Variants in SMARCD1 observed in about 807,000 individuals in gnomAD.
The protein encoded by SMARCD1 is SWI/SNF-related matrix-associated actin-dependent regulator of chromatin subfamily D member 1.
Under a neutral mutation model 70.8 loss-of-function variants are expected in SMARCD1, and 16 were observed. The ratio of observed to expected loss-of-function variants is 0.23; its 90% CI spans 0.15 to 0.34. The LOEUF is 0.34. SMARCD1 is among the 10% of genes least tolerant of loss of function. SMARCD1 has a pLI of 1.00. For synonymous variants in SMARCD1, 249 were observed against 246.0 expected, an observed-to-expected ratio of 1.01 and a Z score of -0.11; for missense variants, 409 against 655.5, an observed-to-expected ratio of 0.62 and a Z score of 4.11.
In SMARCD1 at chr12:50,086,652, C is replaced by T. The variant is rs760542061; in HGVS notation, c.397C>T (p.Leu133=). ...AKKKKMADKI[L]PQRIRELVPE... Reference sequence around the variant, plus strand: ...GAAAAAGAAGATGGCTGACAAAATTCTACCTCAAAGGGTGAGTCCAGGCTA... The same window carrying T: ...GAAAAAGAAGATGGCTGACAAAATTTTACCTCAAAGGGTGAGTCCAGGCTA... The change falls in exon 3 of 13, where the codon CTA becomes TTA. Residue 133 remains leucine, a synonymous_variant. Transcript: ENST00000394963. 52 of 1,613,968 alleles carry T rather than the reference C, an allele frequency of 3.2e-5. No homozygotes were observed. The highest frequency in any genetic ancestry group is 4.3e-5 in the Non-Finnish European group (51 of 1,179,966).
intron 9 of SMARCD1, among the ~76,000 whole-genome samples, chr12:50,093,271 C>T (rs535296935): frequency 9.9e-5 from 15 of 151,832 alleles, no homozygotes; most frequent in East Asian, 2.0e-4. Context: ...TCTCTGCAAC[C>T]GCTGCCTCCC....
chr12:50,090,802 A>C (rs940496272), intron 9 of SMARCD1, among the ~76,000 whole-genome samples: 3 of 148,050 alleles, frequency 2.0e-5, no homozygotes, highest in Non-Finnish European at 4.5e-5. Context: ...CCTAATTATT[A>C]CATTTTATTG....
At chr12:50,091,677 A>G (rs1035413685) in intron 9 of SMARCD1, among the ~76,000 whole-genome samples, 4 of 152,100 alleles carry the variant, frequency 2.6e-5, no homozygotes, top group Non-Finnish European at 5.9e-5. Flanking sequence ...CCTGAGTTCA[A>G]GCAATTCTCC....
intron 2 of SMARCD1, 94 bp from the exon 3 acceptor site, chr12:50,086,527 C>G: frequency 7.9e-7 from 1 of 1,262,560 alleles, no homozygotes; most frequent in Non-Finnish European, 1.1e-6. Flanking sequence ...GCTTTGCAGT[C>G]CCTTCACATT....
At chr12:50,086,426 A>T (rs1350135298) in intron 2 of SMARCD1, 78 bp downstream of exon 2, 4 of 1,340,406 alleles carry the variant, frequency 3.0e-6, no homozygotes, top group Non-Finnish European at 4.1e-6. Context: ...TGAACCAAGA[A>T]GTGGTGGTGC....
chr12:50,088,728 T>C (rs960817440), intron 6 of SMARCD1, 91 bp downstream of exon 6: 1 of 698,932 alleles, frequency 1.4e-6, no homozygotes, highest in African/African-American at 1.8e-5. Context: ...TGGGGAGGTA[T>C]AAAGTAGTCA....
At position 50,087,022 on chromosome 12, in the gene SMARCD1, T is replaced by G. The variant is rs1170917263; in HGVS notation, c.531+144T>G. ...TCCCTTCCGCCTACAAACTGAGAATTACATTAGGAGGATAAGAACAGAATG... is the reference window on the plus strand; with the variant it reads ...TCCCTTCCGCCTACAAACTGAGAATGACATTAGGAGGATAAGAACAGAATG... On this transcript the variant is annotated intron_variant, in intron 4 of 12. Coordinates refer to ENST00000394963, the MANE Select transcript of SMARCD1 (RefSeq NM_003076.5). The G allele has an allele frequency of 3.6e-6, 3 of 838,078 alleles. No homozygotes were observed. The Admixed American group carries it at 8.0e-5, about 22-fold the overall frequency. 51.9% of individuals were successfully genotyped at this position (838,078 alleles called of 1,614,324 possible). A position where few individuals can be genotyped will look rare whatever the true frequency, so the allele number is the denominator to read the frequency against.
rs1251100423 is a variant in SMARCD1 at position 50,100,561 on chromosome 12, ATTGT to A, written c.*1564_*1567del. ...GTTGATAACTGTTTTTATTAACTGA[ATTGT>A]TTTTTTCATGGACCAAACTTTTTTT... On this transcript the variant is annotated 3_prime_UTR_variant, in exon 13 of 13. Transcript: ENST00000394963. 3.9e-5 allele frequency: 6 copies of A among 152,540 alleles called. No homozygotes were observed. The highest frequency in any genetic ancestry group is 3.9e-4 in the Admixed American group (6 of 15,270). 9.4% of individuals were successfully genotyped at this position (152,540 alleles called of 1,614,324 possible).
At chr12:50,096,685 A>C (rs1950895905) in intron 10 of SMARCD1, 165 bp from the exon 11 acceptor site, 4 of 587,196 alleles carry the variant, frequency 6.8e-6, no homozygotes. Context: ...ACTTGCTGAA[A>C]GAATGCCAAG....
intron 9 of SMARCD1, among the ~76,000 whole-genome samples, chr12:50,091,201 T>C (rs574828821): frequency 2.6e-4 from 39 of 151,994 alleles, no homozygotes; most frequent in Admixed American, 1.4e-3. Context: ...AAATATGATA[T>C]AATGATGTGC....
intron 11 of SMARCD1, chr12:50,098,347 G>A (rs548188487): frequency 2.1e-5 from 5 of 236,340 alleles, no homozygotes; most frequent in Admixed American, 1.6e-4. Context: ...TCCGCGAGCT[G>A]GGAGGGAGAC....
intron 11 of SMARCD1, among the ~76,000 whole-genome samples, chr12:50,097,474 C>T (rs1950902862): frequency 6.6e-6 from 1 of 151,956 alleles, no homozygotes; most frequent in South Asian, 2.1e-4. Flanking sequence ...ATTGCTTGAA[C>T]CCAGGAAGCA....
At chr12:50,086,578 A>C (rs1015472279) in intron 2 of SMARCD1, 43 bp from the exon 3 acceptor site, 8 of 1,594,116 alleles carry the variant, frequency 5.0e-6, no homozygotes, top group Non-Finnish European at 6.0e-6. Context: ...TCACGTTCTG[A>C]CTAGTTCTGT....
intron 9 of SMARCD1, among the ~76,000 whole-genome samples, chr12:50,092,391 T>G (rs1157915155): frequency 1.3e-5 from 2 of 151,692 alleles, no homozygotes. Flanking sequence ...GCCCAGCTAA[T>G]TTTTTGTATT....
intron 9 of SMARCD1, among the ~76,000 whole-genome samples, chr12:50,093,419 T>G (rs1222755875): frequency 6.6e-6 from 1 of 151,984 alleles, no homozygotes; most frequent in Non-Finnish European, 1.5e-5. Flanking sequence ...CCGTGTTGGC[T>G]TCCCAGAATG....
intron 11 of SMARCD1, among the ~76,000 whole-genome samples, chr12:50,097,549 C>G (rs1416821160): frequency 6.6e-6 from 1 of 150,692 alleles, no homozygotes. Flanking sequence ...GAAACTCTGT[C>G]TCAAAAAAAA....
intron 2 of SMARCD1, 135 bp from the exon 3 acceptor site, chr12:50,086,486 T>TGGTAGTGGTGGTGGTGGG: frequency 1.0e-6 from 1 of 959,918 alleles, no homozygotes; most frequent in Non-Finnish European, 1.6e-6. Flanking sequence ...TGCTTGGTGG[T>TGGTAGTGGTGGTGGTGGG]GGTGGTGGTG....
Position 50,099,501 on chromosome 12 carries a change from C to G in SMARCD1, c.*501C>G, listed in dbSNP as rs1319812168. 2 of 403,438 alleles carry G rather than the reference C, an allele frequency of 5.0e-6. No individual in the cohort carries two copies. Among genetic ancestry groups the G allele is most frequent in the Non-Finnish European group, 8.7e-6 (2 of 228,836 alleles). 25.0% of individuals were successfully genotyped at this position (403,438 alleles called of 1,614,324 possible). Reference sequence around the variant, plus strand: ...TCCCTCCACAGGTTTGGAACAAACTCTCCCTTCACTTGTTGCCCTGTAGCA... The same window carrying G: ...TCCCTCCACAGGTTTGGAACAAACTGTCCCTTCACTTGTTGCCCTGTAGCA... On this transcript the variant is annotated 3_prime_UTR_variant, in exon 13 of 13. Transcript: ENST00000394963.
intron 5 of SMARCD1, 21 bp downstream of exon 5, chr12:50,087,506 G>A (rs1950802372): frequency 1.9e-6 from 3 of 1,611,962 alleles, no homozygotes; most frequent in Non-Finnish European, 2.5e-6. Context: ...GGTCCACAAT[G>A]GTTGGCATCT....
Sources: gnomAD v4.1 joint callset for allele counts (sites outside exome capture counted in the v4.1 genomes callset) on GRCh38, gnomAD v4.1.1 for gene constraint, MANE v1.5 for transcripts, NCBI Gene and HGNC (gene_info 2026-07-23, HGNC 2026-07-21) for gene names.